The following ZMYND11 variants were observed in gnomAD, a reference collection of about 807,000 sequenced individuals.
ZMYND11 encodes zinc finger MYND domain-containing protein 11.
In ZMYND11, 9 loss-of-function variants were observed where a neutral mutation model predicts 84.9. The ratio of observed to expected loss-of-function variants is 0.11; its 90% CI spans 0.06 to 0.18. The LOEUF is 0.18. Ranked by LOEUF, ZMYND11 falls within the 10% of genes least tolerant of loss-of-function variation. The probability of loss-of-function intolerance (pLI) is 1.00; values close to 1 mark genes in which losing one functional copy is unlikely to be tolerated. For synonymous variants in ZMYND11, 250 were observed against 244.1 expected (o/e 1.02, Z -0.23); for missense variants, 409 against 761.0 (o/e 0.54, Z 5.44).
At chr10:155,949 G>C (rs1446522426) in intron 1 of ZMYND11, among the ~76,000 whole-genome samples, 2 of 152,324 alleles carry the variant, frequency 1.3e-5, no homozygotes, top group African/African-American at 4.8e-5. Context: ...GGGCCATTGA[G>C]TGGCAAACCT....
chr10:151,570 AG>A (rs1840384132), intron 1 of ZMYND11, among the ~76,000 whole-genome samples: 1 of 152,218 alleles, frequency 6.6e-6, no homozygotes, highest in African/African-American at 2.4e-5. Flanking sequence ...CTATGTGAAA[AG>A]ACCAAATCTA....
intron 2 of ZMYND11, among the ~76,000 whole-genome samples, chr10:207,854 A>G (rs1944468222): frequency 6.6e-6 from 1 of 152,248 alleles, no homozygotes; most frequent in African/African-American, 2.4e-5. Flanking sequence ...TCCTAAGCCA[A>G]AAGAATAAAG....
At chr10:201,695 C>T (rs1943195950) in intron 2 of ZMYND11, among the ~76,000 whole-genome samples, 1 of 151,768 alleles carries the variant, frequency 6.6e-6, no homozygotes, top group Admixed American at 6.6e-5. Context: ...CACTTGAGTA[C>T]TCAGCGTCCC....
intron 2 of ZMYND11, among the ~76,000 whole-genome samples, chr10:185,974 A>G (rs1005850965): frequency 8.5e-5 from 13 of 152,072 alleles, no homozygotes; most frequent in Admixed American, 7.9e-4. Flanking sequence ...ACACATCAGA[A>G]TAAATGGCAG....
intron 1 of ZMYND11, among the ~76,000 whole-genome samples, chr10:138,874 C>T (rs937838409): frequency 2.0e-5 from 3 of 152,098 alleles, no homozygotes; most frequent in Admixed American, 6.6e-5. Flanking sequence ...CACTCACTCT[C>T]GCTCTGTCGC....
intron 4 of ZMYND11, among the ~76,000 whole-genome samples, chr10:235,307 A>G (rs36080020): frequency 0.3 from 45,935 of 151,956 alleles, 7,365 homozygotes; most frequent in East Asian, 0.49. Context: ...TGAGTTCTTC[A>G]TATCCTCCTT....
At chr10:187,600 A>T (rs538056994) in intron 2 of ZMYND11, among the ~76,000 whole-genome samples, 4 of 151,078 alleles carry the variant, frequency 2.6e-5, no homozygotes, top group Non-Finnish European at 4.4e-5. Flanking sequence ...CGCCACTGCA[A>T]TCCGGCCTGG....
intron 1 of ZMYND11, among the ~76,000 whole-genome samples, chr10:178,299 C>T (rs4880522): frequency 0.23 from 34,843 of 152,142 alleles, 4,269 homozygotes; most frequent in Middle Eastern, 0.32. Context: ...TAGCACAGTG[C>T]CTTAGATAAA....
At chr10:194,043 A>T (rs1941122967) in intron 2 of ZMYND11, among the ~76,000 whole-genome samples, 1 of 152,088 alleles carries the variant, frequency 6.6e-6, no homozygotes, top group East Asian at 1.9e-4. Context: ...GGAGTGCAAT[A>T]GTACAATCTC....
intron 4 of ZMYND11, among the ~76,000 whole-genome samples, chr10:233,236 A>G (rs937680476): frequency 3.3e-5 from 5 of 152,160 alleles, no homozygotes; most frequent in Admixed American, 2.0e-4. Context: ...ATTCACACAT[A>G]CACTGACATG....
chr10:241,911 A>G, intron 9 of ZMYND11, 110 bp from the exon 10 acceptor site: 1 of 1,354,806 alleles, frequency 7.4e-7, no homozygotes, highest in Non-Finnish European at 1.0e-6. Context: ...GGAGTTATGA[A>G]AGAAATATTT....
At position 248,753 on chromosome 10, in the gene ZMYND11, A is replaced by T. The variant is rs12219458; in HGVS notation, c.1500+145A>T. ...AGTATCTTTTACAGCATTTCAAGTA[A>T]TAATGATACTTTCCTCACCTAAATT... On this transcript the variant is annotated intron_variant, in intron 13 of 14. Coordinates refer to ENST00000381604, the MANE Select transcript of ZMYND11 (RefSeq NM_001370100.5). 39 of 1,385,638 alleles carry T rather than the reference A, an allele frequency of 2.8e-5. No homozygotes were observed. In the East Asian group the frequency reaches 9.3e-4, roughly 33 times the overall value. The allele number at this position is 1,385,638 out of a possible 1,614,324, so 85.8% of individuals were successfully genotyped here.
chr10:234,291 C>T (rs1949530296), intron 4 of ZMYND11, among the ~76,000 whole-genome samples: 4 of 152,234 alleles, frequency 2.6e-5, no homozygotes. Context: ...AGGCCTTGTG[C>T]TGGATGCAGC....
rs184124864 is a variant in ZMYND11 at position 187,268 on chromosome 10, T to C, written c.116+7140T>C. Reference sequence around the variant, plus strand: ...AAACAAAAAAACCCTGCAAGTCTTATATCCAAGAAGGTAGTAGGGAAGGTA... The same window carrying C: ...AAACAAAAAAACCCTGCAAGTCTTACATCCAAGAAGGTAGTAGGGAAGGTA... On this transcript the variant is annotated intron_variant, in intron 2 of 14. Transcript: ENST00000381604. Among the ~76,000 whole-genome samples, 109 of 152,278 alleles carry C rather than the reference T, an allele frequency of 7.2e-4. No homozygotes were observed. The Middle Eastern group carries it at 0.01, about 14-fold the overall frequency.
intron 2 of ZMYND11, among the ~76,000 whole-genome samples, chr10:192,429 A>G (rs948194156): frequency 6.6e-6 from 1 of 152,142 alleles, no homozygotes; most frequent in Non-Finnish European, 1.5e-5. Context: ...ATTGTGCTCC[A>G]TATCTCTTTG....
chr10:201,071 A>G (rs1169824277), intron 2 of ZMYND11, among the ~76,000 whole-genome samples: 2 of 151,934 alleles, frequency 1.3e-5, no homozygotes, highest in Non-Finnish European at 2.9e-5. Context: ...AAGATACTAG[A>G]TCAATATTCA....
intron 4 of ZMYND11, 43 bp from the exon 5 acceptor site, chr10:236,795 T>C: frequency 6.6e-7 from 1 of 1,515,634 alleles, no homozygotes; most frequent in East Asian, 2.3e-5. Flanking sequence ...GACATAAGAA[T>C]GATCAGATTT....
At chr10:154,305 T>C (rs868915317) in intron 1 of ZMYND11, among the ~76,000 whole-genome samples, 2 of 152,242 alleles carry the variant, frequency 1.3e-5, no homozygotes, top group South Asian at 2.1e-4. Flanking sequence ...TATGGTGTTA[T>C]AGTGTCTCTG....
chr10:144,742 A>T (rs1402593841), intron 1 of ZMYND11, among the ~76,000 whole-genome samples: 2 of 145,592 alleles, frequency 1.4e-5, no homozygotes, highest in Non-Finnish European at 3.0e-5. Flanking sequence ...ATATATATAT[A>T]ATATATATAT....
Sources: gnomAD v4.1 joint callset for allele counts (sites outside exome capture counted in the v4.1 genomes callset) on GRCh38, gnomAD v4.1.1 for gene constraint, MANE v1.5 for transcripts, NCBI Gene and HGNC (gene_info 2026-07-23, HGNC 2026-07-21) for gene names.